CNTNAP2: variants seen among roughly 807,000 people sequenced by gnomAD.
CNTNAP2 encodes the protein contactin associated protein 2.
A neutral mutation model predicts 155.2 loss-of-function variants in CNTNAP2; 98 were observed. That is an observed-to-expected ratio of 0.63 (90% confidence interval 0.54 to 0.75). CNTNAP2 has a LOEUF of 0.75. CNTNAP2 is among the 30% of genes least tolerant of loss of function. CNTNAP2 has a pLI of 0.00. For synonymous variants in CNTNAP2, 651 were observed against 631.2 expected (o/e 1.03, Z -0.47); for missense variants, 1,727 against 1,688.1 (o/e 1.02, Z -0.40).
At chr7:147,488,903 A>G (rs138682690) in intron 11 of CNTNAP2, among the ~76,000 whole-genome samples, 1 of 152,226 alleles carries the variant, frequency 6.6e-6, no homozygotes, top group East Asian at 1.9e-4. Flanking sequence ...GATTAAATGA[A>G]ATGATGTACG....
intron 2 of CNTNAP2, among the ~76,000 whole-genome samples, chr7:146,826,119 G>A (rs574445283): frequency 2.0e-4 from 31 of 152,138 alleles, no homozygotes; most frequent in Admixed American, 1.1e-3. Flanking sequence ...CAGATGGCAT[G>A]GAGATGTTAT....
chr7:146,428,276 G>C (rs1018538129), intron 1 of CNTNAP2, among the ~76,000 whole-genome samples: 1 of 152,096 alleles, frequency 6.6e-6, no homozygotes, highest in East Asian at 1.9e-4. Context: ...TGGGACTGCT[G>C]GGTCAAATGG....
chr7:146,411,589 C>T (rs752739328), intron 1 of CNTNAP2, among the ~76,000 whole-genome samples: 9 of 152,114 alleles, frequency 5.9e-5, no homozygotes, highest in South Asian at 2.1e-4. Context: ...TCATATTGTA[C>T]GCCATAAATA....
At chr7:147,689,514 T>TAC (rs1796059289) in intron 13 of CNTNAP2, among the ~76,000 whole-genome samples, 2 of 152,206 alleles carry the variant, frequency 1.3e-5, no homozygotes, top group Non-Finnish European at 2.9e-5. Flanking sequence ...TTCTATCACG[T>TAC]TATTCTCTTT....
chr7:147,225,798 G>GGAAGGAAGGAAA (rs1563123741), intron 8 of CNTNAP2, among the ~76,000 whole-genome samples: 1 of 71,182 alleles, frequency 1.4e-5, no homozygotes, highest in Non-Finnish European at 2.9e-5. Context: ...AAGGAAGGAA[G>GGAAGGAAGGAAA]GAAAGAAAGA....
chr7:147,571,381 C>G (rs1800288641), intron 12 of CNTNAP2, among the ~76,000 whole-genome samples: 1 of 149,244 alleles, frequency 6.7e-6, no homozygotes, highest in Admixed American at 6.8e-5. Flanking sequence ...CTTAATTCAA[C>G]TACAAGTATT....
intron 1 of CNTNAP2, among the ~76,000 whole-genome samples, chr7:146,679,409 G>T (rs565731852): frequency 5.5e-4 from 80 of 144,282 alleles, no homozygotes; most frequent in African/African-American, 2.0e-3. Context: ...AGGCTGGAGT[G>T]CAGTGGCTCG....
At chr7:146,644,119 C>T (rs143631280) in intron 1 of CNTNAP2, among the ~76,000 whole-genome samples, 8,516 of 152,140 alleles carry the variant, frequency 0.056, 330 homozygotes, top group Non-Finnish European at 0.087. Context: ...AGGGACAATT[C>T]GACTTCCTCT....
intron 12 of CNTNAP2, among the ~76,000 whole-genome samples, chr7:147,609,913 G>T (rs895235929): frequency 3.9e-5 from 6 of 151,980 alleles, no homozygotes; most frequent in African/African-American, 1.5e-4. Flanking sequence ...AAGACAAATG[G>T]CCCAGAGCAT....
chr7:148,395,150 C>CTT (rs71188978), intron 22 of CNTNAP2, among the ~76,000 whole-genome samples: 48 of 134,230 alleles, frequency 3.6e-4, no homozygotes, highest in Admixed American at 1.1e-3. Context: ...GATTATGTGG[C>CTT]TTTTTTTTTT....
chr7:148,207,046 C>T (rs1795461289), intron 18 of CNTNAP2, among the ~76,000 whole-genome samples: 1 of 152,214 alleles, frequency 6.6e-6, no homozygotes, highest in Admixed American at 6.5e-5. Flanking sequence ...TCTCCCAACC[C>T]ACCGCAAACT....
intron 12 of CNTNAP2, among the ~76,000 whole-genome samples, chr7:147,612,001 A>G (rs1466269092): frequency 1.3e-5 from 2 of 152,232 alleles, no homozygotes; most frequent in Admixed American, 6.5e-5. Context: ...AAAACTATCT[A>G]TAAATATATG....
chr7:146,827,668 A>C (rs1163377311), intron 2 of CNTNAP2, among the ~76,000 whole-genome samples: 2 of 152,108 alleles, frequency 1.3e-5, no homozygotes, highest in Non-Finnish European at 2.9e-5. Context: ...GCCAGGGATG[A>C]AAAAATACAA....
intron 15 of CNTNAP2, among the ~76,000 whole-genome samples, chr7:148,040,764 A>T (rs751496153): frequency 3.3e-5 from 5 of 152,194 alleles, no homozygotes; most frequent in Non-Finnish European, 7.3e-5. Flanking sequence ...TGACCCCAAG[A>T]GATTCCCAGT....
At position 147,365,383 on chromosome 7, in the gene CNTNAP2, G is replaced by GAAAAAAA. The variant is rs10557373; in HGVS notation, c.1499-30207_1499-30201dup. Among the ~76,000 whole-genome samples the GAAAAAAA allele has an allele frequency of 5.1e-3, 474 of 93,666 alleles. 1 individual carries two copies. The highest frequency in any genetic ancestry group is 0.011 in the East Asian group (17 of 1,600). 61.4% of individuals were successfully genotyped at this position (93,666 alleles called of 152,430 possible). A position where few individuals can be genotyped will look rare whatever the true frequency, so the allele number is the denominator to read the frequency against. On this transcript the variant is annotated intron_variant, in intron 9 of 23. Transcript: ENST00000361727. The stretch of plus-strand genomic sequence containing the variant: ...GAGGAGAGACACTCTATCTCAAAAA[G>GAAAAAAA]AAAAAAAAAAAAAAAAAAAAAAAAA...
chr7:147,220,739 G>T (rs186079235), intron 8 of CNTNAP2, among the ~76,000 whole-genome samples: 1 of 151,880 alleles, frequency 6.6e-6, no homozygotes, highest in African/African-American at 2.4e-5. Context: ...TTTTGAGATG[G>T]AGTCTCACTC....
chr7:147,793,306 T>C (rs1797848198), intron 13 of CNTNAP2, among the ~76,000 whole-genome samples: 1 of 152,118 alleles, frequency 6.6e-6, no homozygotes, highest in Non-Finnish European at 1.5e-5. Flanking sequence ...CATCTAAGAA[T>C]TTAATAGTTT....
At chr7:146,481,628 G>A (rs1796961474) in intron 1 of CNTNAP2, among the ~76,000 whole-genome samples, 1 of 152,192 alleles carries the variant, frequency 6.6e-6, no homozygotes, top group African/African-American at 2.4e-5. Flanking sequence ...AAAGGTTGAA[G>A]GCTTGTAGAA....
At chr7:148,221,635 G>T (rs763176036) in intron 19 of CNTNAP2, among the ~76,000 whole-genome samples, 1 of 152,156 alleles carries the variant, frequency 6.6e-6, no homozygotes, top group Non-Finnish European at 1.5e-5. Context: ...TAAGGTCTAC[G>T]CCAAAGTATC....
Sources: allele counts gnomAD v4.1 joint callset (sites outside exome capture counted in the v4.1 genomes callset), GRCh38; gene constraint gnomAD v4.1.1; transcripts MANE v1.5; gene names NCBI Gene and HGNC (gene_info 2026-07-23, HGNC 2026-07-21).